The following LPP variants were observed in gnomAD, a reference collection of about 807,000 sequenced individuals.
The protein encoded by LPP is LIM domain containing preferred translocation partner in lipoma, also known as lipoma-preferred partner.
Under a neutral mutation model 60.4 loss-of-function variants are expected in LPP, and 38 were observed. That is an observed-to-expected ratio of 0.63 (90% CI 0.49 to 0.83). The LOEUF is 0.83. LPP is among the 40% of genes least tolerant of loss of function. The pLI is 0.00. For synonymous variants in LPP, 328 were observed against 290.8 expected (o/e 1.13, Z -1.30); for missense variants, 902 against 783.6 (o/e 1.15, Z -1.80).
At chr3:188,618,254 T>TGGA (rs1390252883) in intron 7 of LPP, among the ~76,000 whole-genome samples, 11 of 152,264 alleles carry the variant, frequency 7.2e-5, no homozygotes, top group Non-Finnish European at 1.3e-4. Flanking sequence ...GTTTCATCTT[T>TGGA]GGACTTCAGA....
At chr3:188,639,053 A>G (rs1477297810) in intron 7 of LPP, among the ~76,000 whole-genome samples, 7 of 150,870 alleles carry the variant, frequency 4.6e-5, no homozygotes, top group South Asian at 2.1e-4. Flanking sequence ...AGCCCGCATC[A>G]CCAAGTCAAT....
intron 4 of LPP, 111 bp from the exon 5 acceptor site, chr3:188,484,481 A>G (rs1266832277): frequency 8.3e-6 from 6 of 723,410 alleles, no homozygotes; most frequent in Non-Finnish European, 1.4e-5. Context: ...TATACAACAC[A>G]AAATTATGTG....
intron 5 of LPP, among the ~76,000 whole-genome samples, chr3:188,488,177 A>G (rs952077046): frequency 1.3e-5 from 2 of 152,120 alleles, no homozygotes; most frequent in African/African-American, 2.4e-5. Flanking sequence ...GTTTTGCTTT[A>G]GTCCTCTAGC....
chr3:188,810,837 T>A (rs1325299682), intron 9 of LPP, among the ~76,000 whole-genome samples: 1 of 152,130 alleles, frequency 6.6e-6, no homozygotes. Context: ...ATTTTCTCCA[T>A]CTTGTACAGA....
At chr3:188,389,393 C>T (rs1400384076) in intron 3 of LPP, among the ~76,000 whole-genome samples, 1 of 152,136 alleles carries the variant, frequency 6.6e-6, no homozygotes, top group Non-Finnish European at 1.5e-5. Flanking sequence ...TGTCTGCTAA[C>T]CTGACCGCTT....
intron 5 of LPP, among the ~76,000 whole-genome samples, chr3:188,487,366 C>T (rs1806860520): frequency 6.6e-6 from 1 of 152,106 alleles, no homozygotes; most frequent in African/African-American, 2.4e-5. Context: ...AACCATGGGG[C>T]TTTCAAAAGA....
chr3:188,431,119 G>A (rs968222939), intron 4 of LPP, among the ~76,000 whole-genome samples: 1 of 152,022 alleles, frequency 6.6e-6, no homozygotes, highest in African/African-American at 2.4e-5. Context: ...GCGTGAAATG[G>A]TTGTCATCTG....
intron 2 of LPP, among the ~76,000 whole-genome samples, chr3:188,314,379 T>A (rs1241592564): frequency 3.3e-5 from 5 of 152,080 alleles, no homozygotes; most frequent in Admixed American, 6.5e-5. Flanking sequence ...TCATATATTC[T>A]AAAAAAATTT....
intron 9 of LPP, among the ~76,000 whole-genome samples, chr3:188,778,477 A>G (rs1017661269): frequency 6.6e-6 from 1 of 152,204 alleles, no homozygotes; most frequent in African/African-American, 2.4e-5. Context: ...TTTAACCATT[A>G]CATTCTGGAG....
At chr3:188,398,606 C>T (rs1302420413) in intron 3 of LPP, among the ~76,000 whole-genome samples, 6 of 152,322 alleles carry the variant, frequency 3.9e-5, no homozygotes, top group African/African-American at 4.8e-5. Context: ...TTTGCCCTTC[C>T]GGCTCTATGT....
chr3:188,845,689 C>G (rs916201565), intron 9 of LPP, among the ~76,000 whole-genome samples: 1 of 152,134 alleles, frequency 6.6e-6, no homozygotes, highest in African/African-American at 2.4e-5. Flanking sequence ...ACAGTATGCA[C>G]TGGAACTCAG....
At chr3:188,825,396 A>G (rs1211896033) in intron 9 of LPP, among the ~76,000 whole-genome samples, 1 of 151,696 alleles carries the variant, frequency 6.6e-6, no homozygotes, top group Non-Finnish European at 1.5e-5. Flanking sequence ...GTCCCAAAGC[A>G]TTGAGCTTAG....
chr3:188,630,808 A>G (rs556128575), intron 7 of LPP, among the ~76,000 whole-genome samples: 1 of 152,286 alleles, frequency 6.6e-6, no homozygotes, highest in African/African-American at 2.4e-5. Context: ...GGTAAAGAAA[A>G]TATGGTATGT....
At chr3:188,239,167 C>G (rs536315037) in intron 2 of LPP, among the ~76,000 whole-genome samples, 77 of 152,358 alleles carry the variant, frequency 5.1e-4, no homozygotes, top group Non-Finnish European at 7.1e-4. Flanking sequence ...AGAGGGCTCT[C>G]CACTCCGTTT....
chr3:188,240,601 T>C (rs1577481471), intron 2 of LPP, among the ~76,000 whole-genome samples: 1 of 152,272 alleles, frequency 6.6e-6, no homozygotes, highest in Non-Finnish European at 1.5e-5. Flanking sequence ...AGTTAGGATA[T>C]TAGACCAGCA....
intron 5 of LPP, 121 bp downstream of exon 5, chr3:188,484,825 A>C: frequency 1.4e-6 from 1 of 718,394 alleles, no homozygotes; most frequent in Non-Finnish European, 2.4e-6. Flanking sequence ...ATTTATCCAG[A>C]GCCTATTGAG....
chr3:188,742,870 C>A (rs1224456174), intron 8 of LPP, among the ~76,000 whole-genome samples: 8 of 152,118 alleles, frequency 5.3e-5, no homozygotes, highest in African/African-American at 1.7e-4. Flanking sequence ...GTGTTTTTCA[C>A]CAATTGGTTT....
At chr3:188,759,377 A>G (rs1731390656) in intron 8 of LPP, 1 of 152,270 alleles carries the variant, frequency 6.6e-6, no homozygotes, top group African/African-American at 2.4e-5. Flanking sequence ...AAACTATTGC[A>G]GGATGTGTGG....
At position 188,873,072 on chromosome 3, in the gene LPP, GT is replaced by G. The variant is rs3214494; in HGVS notation, c.1710+310del. On this transcript the variant is annotated intron_variant, in intron 11 of 11. Coordinates refer to ENST00000617246, the MANE Select transcript of LPP (RefSeq NM_001375462.1). ...TTGTAAATTGTGAAATACTAAATTA[GT>G]GAGAAATGGTGTTATTGAACATTTA... is the stretch of plus-strand genomic sequence containing the variant. Among the ~76,000 whole-genome samples the G allele has an allele frequency of 0.16, 24,520 of 152,126 alleles. 2,738 individuals carry two copies. The highest frequency in any genetic ancestry group is 0.51 in the East Asian group (2,627 of 5,162).
Sources: gnomAD v4.1 joint callset for allele counts (sites outside exome capture counted in the v4.1 genomes callset) on GRCh38, gnomAD v4.1.1 for gene constraint, MANE v1.5 for transcripts, NCBI Gene and HGNC (gene_info 2026-07-23, HGNC 2026-07-21) for gene names.